Variants in ASTN2 observed in about 807,000 individuals in gnomAD.
ASTN2 encodes the protein astrotactin 2, also known as astrotactin-2.
A neutral mutation model predicts 139.8 loss-of-function variants in ASTN2; 54 were observed. The ratio of observed to expected loss-of-function variants is 0.39; its 90% CI spans 0.31 to 0.48. The LOEUF (loss-of-function observed/expected upper bound fraction) is 0.48, where lower values mean the gene tolerates loss of function less well. Among genes scored for constraint, ASTN2 ranks in the 20% least tolerant of loss-of-function variants. The pLI is 0.95. For synonymous variants in ASTN2, 756 were observed against 719.5 expected, an observed-to-expected ratio of 1.05 and a Z score of -0.81; for missense variants, 1,565 against 1,725.1, an observed-to-expected ratio of 0.91 and a Z score of 1.64.
rs1554732629 is a variant in ASTN2, at chr9:116,697,949, C to T, written c.2806+27822G>A. ...GTCCCTTTTGCAGCAAGATTACCCG[C>T]ATAACCAGCTTGACCCAGCTGACAG... is the stretch of plus-strand genomic sequence containing the variant. On this transcript the variant is annotated intron_variant, in intron 16 of 22. Coordinates refer to ENST00000313400, the MANE Select transcript of ASTN2 (RefSeq NM_001365068.1). 1.2e-6 allele frequency: 2 copies of T among 1,614,094 alleles called. No homozygotes were observed. The highest frequency in any genetic ancestry group is 2.7e-5 in the African/African-American group (2 of 74,936).
At chr9:116,875,716 T>C (rs1474455906) in intron 10 of ASTN2, among the ~76,000 whole-genome samples, 1 of 152,220 alleles carries the variant, frequency 6.6e-6, no homozygotes, top group African/African-American at 2.4e-5. Context: ...ATGCAGCTGT[T>C]GAAGCCAATA....
chr9:116,528,217 G>A (rs1441949127), intron 19 of ASTN2, among the ~76,000 whole-genome samples: 5 of 152,206 alleles, frequency 3.3e-5, no homozygotes, highest in African/African-American at 4.8e-5. Flanking sequence ...GGTTGAGGTG[G>A]TCTCAGATGG....
chr9:116,487,841 T>A (rs1261713021), intron 19 of ASTN2, among the ~76,000 whole-genome samples: 5 of 152,170 alleles, frequency 3.3e-5, no homozygotes, highest in Non-Finnish European at 7.3e-5. Context: ...TCTGGCCTTG[T>A]CACTGTTATT....
intron 3 of ASTN2, among the ~76,000 whole-genome samples, chr9:117,192,264 A>T (rs1831369322): frequency 6.6e-6 from 1 of 152,166 alleles, no homozygotes; most frequent in Admixed American, 6.5e-5. Flanking sequence ...AAAGCAAAAA[A>T]GCCGCAGAGG....
At chr9:116,443,127 G>T (rs1487853721) in intron 20 of ASTN2, among the ~76,000 whole-genome samples, 3 of 152,230 alleles carry the variant, frequency 2.0e-5, no homozygotes, top group African/African-American at 7.2e-5. Flanking sequence ...ACTAATGCGG[G>T]AGCATGGGGA....
At chr9:117,042,284 A>G (rs553540811) in intron 5 of ASTN2, among the ~76,000 whole-genome samples, 1 of 152,284 alleles carries the variant, frequency 6.6e-6, no homozygotes, top group South Asian at 2.1e-4. Flanking sequence ...ATTTTTCTTA[A>G]TAAACAGTGA....
chr9:116,617,779 T>C (rs1855928527), intron 19 of ASTN2, among the ~76,000 whole-genome samples: 1 of 152,230 alleles, frequency 6.6e-6, no homozygotes, highest in Admixed American at 6.5e-5. Flanking sequence ...GCTTTGCTTC[T>C]TGGCAGTGTC....
chr9:117,132,364 T>C (rs1829847079), intron 4 of ASTN2, among the ~76,000 whole-genome samples: 1 of 152,204 alleles, frequency 6.6e-6, no homozygotes, highest in South Asian at 2.1e-4. Context: ...TTTAGTTCAC[T>C]ACGTTTTAGG....
chr9:117,181,518 C>T (rs776698625), intron 3 of ASTN2, among the ~76,000 whole-genome samples: 4 of 152,064 alleles, frequency 2.6e-5, no homozygotes, highest in African/African-American at 4.8e-5. Context: ...AAATGGCCAC[C>T]GAGTGAACAA....
intron 15 of ASTN2, among the ~76,000 whole-genome samples, chr9:116,727,790 C>G (rs2132119296): frequency 6.6e-6 from 1 of 152,262 alleles, no homozygotes; most frequent in South Asian, 2.1e-4. Context: ...TATTTAACCT[C>G]CCTAACCCTC....
intron 13 of ASTN2, among the ~76,000 whole-genome samples, chr9:116,796,949 C>T (rs1420594124): frequency 6.6e-6 from 1 of 151,880 alleles, no homozygotes; most frequent in Admixed American, 6.6e-5. Flanking sequence ...GTAGCTGTGA[C>T]TACTGCTGCA....
At chr9:117,350,006 C>A (rs1829338935) in intron 1 of ASTN2, among the ~76,000 whole-genome samples, 1 of 152,102 alleles carries the variant, frequency 6.6e-6, no homozygotes, top group African/African-American at 2.4e-5. Flanking sequence ...TGAATAAAGT[C>A]TATAGTATAG....
intron 3 of ASTN2, among the ~76,000 whole-genome samples, chr9:117,167,516 T>C (rs16934356): frequency 0.019 from 2,828 of 152,140 alleles, 82 homozygotes; most frequent in African/African-American, 0.065. Context: ...CAACAAACGC[T>C]CAAAATACTG....
chr9:117,145,823 C>CT lies in ASTN2; in HGVS notation c.1016-4346dup, dbSNP rs199661649. Among the ~76,000 whole-genome samples, 658 of 152,154 alleles carry CT rather than the reference C, an allele frequency of 4.3e-3. 5 individuals are homozygous for CT. Among genetic ancestry groups the CT allele is most frequent in the African/African-American group, 0.015 (611 of 41,516 alleles). ...CTGATATATCATTCAGCTTCCCTCTCTTTTTTTTCATGGCTCTGACATTCA... is the reference window on the plus strand; with the variant it reads ...CTGATATATCATTCAGCTTCCCTCTCTTTTTTTTTCATGGCTCTGACATTCA... On this transcript the variant is annotated intron_variant, in intron 3 of 22. Transcript: ENST00000313400.
Position 116,559,313 on chromosome 9 carries a change from C to T in ASTN2, c.3355+59011G>A, listed in dbSNP as rs187974234. On this transcript the variant is annotated intron_variant, in intron 19 of 22. Coordinates refer to ENST00000313400, the MANE Select transcript of ASTN2 (RefSeq NM_001365068.1). Reference sequence around the variant, plus strand: ...TGGATATCTCATCAGACCAGATGGACGAGAAAATCATCTAGGGAGAGGAAA... The same window carrying T: ...TGGATATCTCATCAGACCAGATGGATGAGAAAATCATCTAGGGAGAGGAAA... Among the ~76,000 whole-genome samples, 157 of 152,254 alleles carry T rather than the reference C, an allele frequency of 1.0e-3. 1 individual carries two copies. The highest frequency in any genetic ancestry group is 2.0e-3 in the Admixed American group (30 of 15,286).
Position 116,627,921 on chromosome 9 carries a change from G to C in ASTN2, c.3073-7478C>G, listed in dbSNP as rs572532885. Among the ~76,000 whole-genome samples the C allele has an allele frequency of 2.0e-5, 3 of 152,308 alleles. No homozygotes were observed. The East Asian group carries it at 5.8e-4, about 29-fold the overall frequency. On this transcript the variant is annotated intron_variant, in intron 17 of 22. Coordinates refer to ENST00000313400, the MANE Select transcript of ASTN2 (RefSeq NM_001365068.1). ...AATTTTCCCAACAACCTGTGAGCTAGGTGTAGTTATTATATCCAATTTGCA... is the reference window on the plus strand; with the variant it reads ...AATTTTCCCAACAACCTGTGAGCTACGTGTAGTTATTATATCCAATTTGCA...
chr9:117,063,285 T>G (rs955936349), intron 5 of ASTN2, among the ~76,000 whole-genome samples: 10 of 152,188 alleles, frequency 6.6e-5, no homozygotes, highest in African/African-American at 2.4e-4. Flanking sequence ...TGATATGGTT[T>G]GACTCTGTGT....
rs1836334555 is a variant in ASTN2, at chr9:116,976,105, C to T, written c.1751+9G>A. The T allele has an allele frequency of 6.2e-7, 1 of 1,613,914 alleles. No individual in the cohort carries two copies. The highest frequency in any genetic ancestry group is 1.3e-5 in the African/African-American group (1 of 75,048). On this transcript the variant is annotated intron_variant, in intron 9 of 22. Coordinates refer to ENST00000313400, the MANE Select transcript of ASTN2 (RefSeq NM_001365068.1). ...CCAGAATTATGCCCCAACAAGAAAG[C>T]CAACTCACCTGAGAATCTTTTCAGG...
At chr9:116,526,373 C>T (rs913866322) in intron 19 of ASTN2, among the ~76,000 whole-genome samples, 16 of 151,718 alleles carry the variant, frequency 1.1e-4, no homozygotes, top group African/African-American at 3.1e-4. Flanking sequence ...GCACTTTGGG[C>T]GGCCAAGGTG....
Sources: gnomAD v4.1 joint callset for allele counts (sites outside exome capture counted in the v4.1 genomes callset) on GRCh38, gnomAD v4.1.1 for gene constraint, MANE v1.5 for transcripts, NCBI Gene and HGNC (gene_info 2026-07-23, HGNC 2026-07-21) for gene names.